The following VAV2 variants were observed in gnomAD, a reference collection of about 807,000 sequenced individuals.
The protein encoded by VAV2 is vav guanine nucleotide exchange factor 2.
In VAV2, 67 loss-of-function variants were observed where a neutral mutation model predicts 132.5. The observed-to-expected ratio is 0.51, with a 90% confidence interval of 0.42 to 0.62. The LOEUF is 0.62. VAV2 is among the 20% of genes least tolerant of loss of function. VAV2 has a pLI of 0.00. For missense variants in VAV2, 938 were observed against 1,153.6 expected (o/e 0.81, Z 2.71); for synonymous variants, 492 against 443.5 (o/e 1.11, Z -1.37).
chr9:133,768,124 T>C lies in VAV2; in HGVS notation c.2589+318A>G, dbSNP rs975231471. ...CAGAGCTTGGGGACTTGCAAGTAAT[T>C]TGGCGAGTGCAGCTATGAGGGCAGC... On this transcript the variant is annotated intron_variant, in intron 29 of 29. Coordinates refer to ENST00000371850, the MANE Select transcript of VAV2 (RefSeq NM_001134398.2). This position sits in a 1 kb window ranked among gnomAD's most constrained non-coding sequence, Gnocchi z 5.3. Among the ~76,000 whole-genome samples, 1 of 152,082 alleles carries C rather than the reference T, an allele frequency of 6.6e-6. No individual in the cohort carries two copies. Among genetic ancestry groups the C allele is most frequent in the Non-Finnish European group, 1.5e-5 (1 of 67,994 alleles).
chr9:133,836,055 T>C (rs952171232), intron 3 of VAV2, among the ~76,000 whole-genome samples: 3 of 152,270 alleles, frequency 2.0e-5, no homozygotes, highest in Admixed American at 2.0e-4. Flanking sequence ...CACGACATCC[T>C]CACCATCAGG....
At chr9:133,793,147 G>A (rs571814465) in intron 12 of VAV2, among the ~76,000 whole-genome samples, 43 of 152,164 alleles carry the variant, frequency 2.8e-4, no homozygotes, top group Admixed American at 9.8e-4. Flanking sequence ...CCTGCCTGCC[G>A]TGCTGCAATC....
intron 4 of VAV2, among the ~76,000 whole-genome samples, chr9:133,822,398 G>A (rs751755484): frequency 6.6e-6 from 1 of 152,200 alleles, no homozygotes; most frequent in African/African-American, 2.4e-5. Context: ...CTGGGGTGGG[G>A]GCAGCAGAGA....
At position 133,992,203 on chromosome 9, in the gene VAV2, G is replaced by A. The variant is rs762139216; in HGVS notation, c.76C>T (p.Pro26Ser). ...GCCAGGTCGAAGACCACGGCCGAGG[G>A]CCACACCACCCGGTGGTTGGGCGGC... The part of the protein sequence containing the change: ...VLPPNHRVVW[P>S]SAVVFDLAQA... The change falls in exon 1 of 30, where the codon CCC (proline) becomes TCC (serine). Residue 26 changes from proline to serine, a missense_variant. Coordinates refer to ENST00000371850, the MANE Select transcript of VAV2 (RefSeq NM_001134398.2). This position sits in a 1 kb window ranked among gnomAD's most constrained non-coding sequence, Gnocchi z 5.5. 2.5e-6 allele frequency: 4 copies of A among 1,597,250 alleles called. No individual in the cohort carries two copies. The highest frequency in any genetic ancestry group is 2.6e-6 in the Non-Finnish European group (3 of 1,172,238).
intron 1 of VAV2, among the ~76,000 whole-genome samples, chr9:133,985,562 A>G (rs1399970198): frequency 1.3e-5 from 2 of 152,170 alleles, no homozygotes; most frequent in Non-Finnish European, 2.9e-5. Context: ...GACTGCAGGC[A>G]TGAGCCATCG....
rs1837662789 is a variant in VAV2, at chr9:133,863,121, T to C, written c.322-1689A>G. 6.6e-6 allele frequency among the ~76,000 whole-genome samples: 1 copy of C among 152,252 alleles called. No homozygotes were observed. Among genetic ancestry groups the C allele is most frequent in the Non-Finnish European group, 1.5e-5 (1 of 68,042 alleles). ...GAGGAACTTGGCTCTGGAGTGTTTT[T>C]GGCTTTTAAGAGCTCTAAGCATTTA... is the stretch of plus-strand genomic sequence containing the variant. On this transcript the variant is annotated intron_variant, in intron 2 of 29. Coordinates refer to ENST00000371850, the MANE Select transcript of VAV2 (RefSeq NM_001134398.2). The surrounding 1 kb of genome is among the most constrained non-coding windows in gnomAD (Gnocchi z 5.0).
chr9:133,887,102 A>T (rs1471890535), intron 2 of VAV2, among the ~76,000 whole-genome samples: 2 of 152,030 alleles, frequency 1.3e-5, no homozygotes, highest in Non-Finnish European at 2.9e-5. Context: ...GGGCCCAGAC[A>T]GCAGGCCCCA....
chr9:133,861,443 C>T lies in VAV2; in HGVS notation c.322-11G>A. 1 of 1,612,470 alleles carries T rather than the reference C, an allele frequency of 6.2e-7. No individual in the cohort carries two copies. The highest frequency in any genetic ancestry group is 8.5e-7 in the Non-Finnish European group (1 of 1,179,496). On this transcript the variant is annotated splice_polypyrimidine_tract_variant and intron_variant, in intron 2 of 29. Transcript: ENST00000371850. ...CACCGCGGAGATGACCTGGGGGAGA[C>T]AAGAAGAGACGCTCCTGTAATTTCA...
intron 2 of VAV2, chr9:133,925,803 GGT>G (rs1840456968): frequency 1.3e-5 from 2 of 151,960 alleles, no homozygotes. Context: ...GGTCTTCCAG[GGT>G]GCCAAGAAAT....
intron 2 of VAV2, among the ~76,000 whole-genome samples, chr9:133,866,157 G>A (rs1189742856): frequency 6.6e-6 from 1 of 152,212 alleles, no homozygotes; most frequent in Non-Finnish European, 1.5e-5. Context: ...AGGCCCCCCA[G>A]GGGGTGGGTG....
intron 26 of VAV2, among the ~76,000 whole-genome samples, chr9:133,771,711 T>C (rs1439246426): frequency 6.6e-6 from 1 of 152,144 alleles, no homozygotes. Context: ...GGGCTGCCCC[T>C]ACCCCACCCC....
chr9:133,953,109 A>G (rs1422918020), intron 1 of VAV2, among the ~76,000 whole-genome samples: 1 of 151,954 alleles, frequency 6.6e-6, no homozygotes, highest in African/African-American at 2.4e-5. Context: ...CAGCCTGCCA[A>G]CATCTAGAAC....
rs116628521 is a variant in VAV2 at position 133,889,324 on chromosome 9, T to A, written c.322-27892A>T. On this transcript the variant is annotated intron_variant, in intron 2 of 29. Transcript: ENST00000371850. The stretch of plus-strand genomic sequence containing the variant: ...AGCCTAGAACATGCCCACGCCTGTG[T>A]GGGAGACAGCATGCCCACTCTGGGT... 8.4e-3 allele frequency among the ~76,000 whole-genome samples: 1,272 copies of A among 152,224 alleles called. 18 individuals are homozygous for A. The highest frequency in any genetic ancestry group is 0.028 in the African/African-American group (1,144 of 41,528).
chr9:133,942,612 T>G (rs1841207140), intron 1 of VAV2, among the ~76,000 whole-genome samples: 1 of 152,272 alleles, frequency 6.6e-6, no homozygotes, highest in Non-Finnish European at 1.5e-5. Context: ...TTATTTTCAT[T>G]CTTCCTCAGC....
chr9:133,972,495 A>T (rs1661910897), intron 1 of VAV2, among the ~76,000 whole-genome samples: 2 of 1,396 alleles, frequency 1.4e-3, no homozygotes, highest in Admixed American at 0.01. Context: ...AAAGGCAAAC[A>T]CTCTTTGCCG....
chr9:133,825,197 G>C (rs1251829283), intron 4 of VAV2, among the ~76,000 whole-genome samples: 1 of 151,734 alleles, frequency 6.6e-6, no homozygotes, highest in Non-Finnish European at 1.5e-5. Context: ...AGGACCTGGG[G>C]TGGGGGGGCG....
At chr9:133,945,268 A>C (rs1841317959) in intron 1 of VAV2, among the ~76,000 whole-genome samples, 1 of 152,202 alleles carries the variant, frequency 6.6e-6, no homozygotes, top group Admixed American at 6.5e-5. Context: ...GTACTTTGAC[A>C]AAAACTCAGT....
At chr9:133,963,974 C>T (rs1292695705) in intron 1 of VAV2, among the ~76,000 whole-genome samples, 1 of 145,860 alleles carries the variant, frequency 6.9e-6, no homozygotes, top group Non-Finnish European at 1.5e-5. Flanking sequence ...AAATAGCTCT[C>T]CTCTAGGTGA....
intron 12 of VAV2, 102 bp from the exon 13 acceptor site, chr9:133,791,971 C>G: frequency 4.5e-6 from 1 of 222,948 alleles, no homozygotes; most frequent in South Asian, 7.6e-5. Context: ...TGCATGTGAG[C>G]GGGCTGTGCT....
Sources: gnomAD v4.1 joint callset for allele counts (sites outside exome capture counted in the v4.1 genomes callset) on GRCh38, gnomAD v4.1.1 for gene constraint, Gnocchi (gnomAD v3.1) non-coding constraint, MANE v1.5 for transcripts, NCBI Gene and HGNC (gene_info 2026-07-23, HGNC 2026-07-21) for gene names.